The following MSR1 variants were observed in gnomAD, a reference collection of about 807,000 sequenced individuals.
MSR1 encodes the protein macrophage scavenger receptor 1, also known as macrophage scavenger receptor types I and II.
A neutral mutation model predicts 47.2 loss-of-function variants in MSR1; 53 were observed. That is an observed-to-expected ratio of 1.12 (90% CI 0.90 to 1.41). The LOEUF is 1.41. Ranked by LOEUF, MSR1 falls within the 40% of genes most tolerant of loss-of-function variation. MSR1 has a pLI of 0.00. For missense variants in MSR1, 786 were observed against 546.9 expected (o/e 1.44, Z -4.36); for synonymous variants, 239 against 185.6 (o/e 1.29, Z -2.34).
chr8:16,116,183 G>C (rs924539498), intron 9 of MSR1, among the ~76,000 whole-genome samples: 4 of 152,154 alleles, frequency 2.6e-5, no homozygotes, highest in Non-Finnish European at 5.9e-5. Flanking sequence ...TTGTGAGTCA[G>C]ATTTTGTACT....
At chr8:16,174,775 C>A (rs1297892681) in intron 3 of MSR1, among the ~76,000 whole-genome samples, 1 of 152,068 alleles carries the variant, frequency 6.6e-6, no homozygotes, top group African/African-American at 2.4e-5. Context: ...TCCTGGACAA[C>A]AGGCTTTTTT....
At chr8:16,163,980 T>C (rs776553367) in intron 5 of MSR1, 85 bp downstream of exon 5, 54 of 1,085,166 alleles carry the variant, frequency 5.0e-5, no homozygotes, top group Middle Eastern at 3.1e-4. Flanking sequence ...TTTCAAACCA[T>C]AGGATTTCAA....
At chr8:16,160,653 G>A (rs1057172564) in intron 5 of MSR1, among the ~76,000 whole-genome samples, 3 of 151,994 alleles carry the variant, frequency 2.0e-5, no homozygotes, top group African/African-American at 7.2e-5. Context: ...AAGAATGGTG[G>A]AAAGTGGAGG....
At chr8:16,134,396 T>A (rs1427585403) in intron 8 of MSR1, among the ~76,000 whole-genome samples, 17 of 152,138 alleles carry the variant, frequency 1.1e-4, no homozygotes, top group Non-Finnish European at 4.4e-5. Context: ...CTTGCATTTG[T>A]TATGGCAATC....
At chr8:16,150,144 ATATATATATATATAT>A (rs1800811733) in intron 7 of MSR1, 72 bp downstream of exon 7, 1 of 103,626 alleles carries the variant, frequency 9.7e-6, no homozygotes, top group African/African-American at 4.9e-5. Context: ...GTGTGTGTAT[ATATATATATATATAT>A]ATATATATAT....
intron 6 of MSR1, among the ~76,000 whole-genome samples, chr8:16,152,535 T>C (rs924133749): frequency 6.6e-6 from 1 of 152,084 alleles, no homozygotes. Context: ...TGGTTGATGA[T>C]GAAAAGTTTG....
intron 8 of MSR1, among the ~76,000 whole-genome samples, chr8:16,141,613 A>C (rs1800558590): frequency 6.6e-6 from 1 of 152,292 alleles, no homozygotes; most frequent in Middle Eastern, 3.4e-3. Context: ...TATACTCTGC[A>C]TGAGGAGGGA....
chr8:16,152,922 G>C, intron 6 of MSR1, among the ~76,000 whole-genome samples: 1 of 152,050 alleles, frequency 6.6e-6, no homozygotes. Context: ...TGAGTGAAAA[G>C]TGATAGGTCA....
chr8:16,170,516 G>T (rs1448026043), intron 3 of MSR1, among the ~76,000 whole-genome samples: 1 of 151,840 alleles, frequency 6.6e-6, no homozygotes, highest in Non-Finnish European at 1.5e-5. Flanking sequence ...ATATTAGATT[G>T]GTTGTATAAG....
At chr8:16,156,437 A>G (rs1300796566) in intron 5 of MSR1, among the ~76,000 whole-genome samples, 1 of 151,844 alleles carries the variant, frequency 6.6e-6, no homozygotes, top group Non-Finnish European at 1.5e-5. Flanking sequence ...CCTTGACTCT[A>G]CTTCTGTCTA....
In MSR1 at chr8:16,175,247, G is replaced by T. The variant is rs753516872; in HGVS notation, c.157C>A (p.Leu53Met). The change falls in exon 3 of 10, where the codon CTG (leucine) becomes ATG (methionine). Residue 53 changes from leucine (L) to methionine (M), a missense_variant. By Grantham distance (15) the Leu-to-Met change is conservative. Coordinates refer to ENST00000262101, the MANE Select transcript of MSR1 (RefSeq NM_138715.3). ...QEKLKSFKAA[L>M]IALYLLVFAV... ...AACACGAGGAGGTAAAGGGCAATCAGTGCAGCTTTGAAGGACTTCAGTTTC... is the reference window on the plus strand; with the variant it reads ...AACACGAGGAGGTAAAGGGCAATCATTGCAGCTTTGAAGGACTTCAGTTTC... 6.2e-7 allele frequency: 1 copy of T among 1,614,096 alleles called. No homozygotes were observed. The highest frequency in any genetic ancestry group is 8.5e-7 in the Non-Finnish European group (1 of 1,180,000).
At chr8:16,146,790 T>C (rs1800710977) in intron 7 of MSR1, among the ~76,000 whole-genome samples, 1 of 152,140 alleles carries the variant, frequency 6.6e-6, no homozygotes, top group Non-Finnish European at 1.5e-5. Context: ...ACCCATAAAA[T>C]ATTATTAAAA....
In MSR1 at chr8:16,181,952, G is replaced by A. The variant is rs370472826; in HGVS notation, c.-4-3960C>T. On this transcript the variant is annotated intron_variant, in intron 1 of 9. Coordinates refer to ENST00000262101, the MANE Select transcript of MSR1 (RefSeq NM_138715.3). ...TATGTATAGACATGTGTCAATTAAG[G>A]ACAAAGATACGTTCTGAGAAATGCA... is the stretch of plus-strand genomic sequence containing the variant. Among the ~76,000 whole-genome samples the A allele has an allele frequency of 5.9e-5, 9 of 152,216 alleles. No homozygotes were observed. In the East Asian group the frequency reaches 1.7e-3, roughly 29 times the overall value.
intron 1 of MSR1, among the ~76,000 whole-genome samples, chr8:16,184,826 A>T (rs531113653): frequency 2.0e-5 from 3 of 152,140 alleles, no homozygotes; most frequent in African/African-American, 7.2e-5. Flanking sequence ...AGCATATAGA[A>T]GTGATAATAA....
At chr8:16,154,839 G>A (rs150845597) in intron 6 of MSR1, among the ~76,000 whole-genome samples, 6 of 151,876 alleles carry the variant, frequency 4.0e-5, no homozygotes, top group African/African-American at 9.6e-5. Flanking sequence ...CAACAGTCAT[G>A]AGTAATGCTT....
chr8:16,123,584 A>G (rs868413000), intron 8 of MSR1, among the ~76,000 whole-genome samples: 24 of 148,664 alleles, frequency 1.6e-4, no homozygotes, highest in African/African-American at 5.9e-4. Flanking sequence ...AGACATGTAT[A>G]TGTGTGTGTG....
chr8:16,188,566 C>T (rs1328780287), intron 1 of MSR1, among the ~76,000 whole-genome samples: 4 of 151,956 alleles, frequency 2.6e-5, no homozygotes, highest in African/African-American at 9.7e-5. Context: ...CATTGGTATA[C>T]ATATGCCATG....
At position 16,178,963 on chromosome 8, in the gene MSR1, T is replaced by C. The variant is rs959904373; in HGVS notation, c.-4-971A>G. Among the ~76,000 whole-genome samples, 45 of 152,336 alleles carry C rather than the reference T, an allele frequency of 3.0e-4. 1 individual carries two copies. The highest frequency in any genetic ancestry group is 1.0e-3 in the African/African-American group (43 of 41,580). ...AAAAAACCATAATTAGTTAAATTTGTATATCTCTCATATACAGCAATGTAT... is the reference window on the plus strand; with the variant it reads ...AAAAAACCATAATTAGTTAAATTTGCATATCTCTCATATACAGCAATGTAT... On this transcript the variant is annotated intron_variant, in intron 1 of 9. Coordinates refer to ENST00000262101, the MANE Select transcript of MSR1 (RefSeq NM_138715.3).
chr8:16,183,601 T>C (rs1050227863), intron 1 of MSR1, among the ~76,000 whole-genome samples: 1 of 137,542 alleles, frequency 7.3e-6, no homozygotes, highest in East Asian at 2.2e-4. Flanking sequence ...TAATATATTA[T>C]ATAATAGGCA....
Sources: gnomAD v4.1 joint callset for allele counts (sites outside exome capture counted in the v4.1 genomes callset) on GRCh38, gnomAD v4.1.1 for gene constraint, MANE v1.5 for transcripts, NCBI Gene and HGNC (gene_info 2026-07-23, HGNC 2026-07-21) for gene names.